Variants in COL23A1 observed in about 807,000 individuals in gnomAD.
The protein encoded by COL23A1 is collagen alpha-1(XXIII) chain.
Under a neutral mutation model 99.3 loss-of-function variants are expected in COL23A1, and 97 were observed. That is an observed-to-expected ratio of 0.98 (90% CI 0.83 to 1.16). The LOEUF (loss-of-function observed/expected upper bound fraction) is 1.16, where lower values mean the gene tolerates loss of function less well. COL23A1 is among the 50% of genes most tolerant of loss of function. The probability of loss-of-function intolerance (pLI) is 0.00; values close to 1 mark genes in which losing one functional copy is unlikely to be tolerated. For missense variants in COL23A1, 762 were observed against 757.4 expected (o/e 1.01, Z -0.07); for synonymous variants, 320 against 308.2 (o/e 1.04, Z -0.40).
At chr5:178,375,371 C>T (rs1387397859) in intron 2 of COL23A1, among the ~76,000 whole-genome samples, 1 of 152,198 alleles carries the variant, frequency 6.6e-6, no homozygotes, top group Non-Finnish European at 1.5e-5. Flanking sequence ...CAAACCCTAC[C>T]GACTGCCTCC....
chr5:178,349,020 C>G (rs1484026697), intron 2 of COL23A1, among the ~76,000 whole-genome samples: 1 of 152,110 alleles, frequency 6.6e-6, no homozygotes, highest in Admixed American at 6.5e-5. Flanking sequence ...CAACTTAACA[C>G]AGAAGGCGGC....
At position 178,464,464 on chromosome 5, in the gene COL23A1, T is replaced by C. The variant is rs111407747; in HGVS notation, c.361+96218A>G. On this transcript the variant is annotated intron_variant, in intron 2 of 28. Coordinates refer to ENST00000390654, the MANE Select transcript of COL23A1 (RefSeq NM_173465.4). The stretch of plus-strand genomic sequence containing the variant: ...TCTTTATCCATTCAGCCGCTGATGG[T>C]CACTTGAGTGGTTTCAATGTGCACG... 4.5e-3 allele frequency among the ~76,000 whole-genome samples: 680 copies of C among 152,304 alleles called. 5 individuals are homozygous for C. The highest frequency in any genetic ancestry group is 0.016 in the African/African-American group (646 of 41,562).
intron 2 of COL23A1, among the ~76,000 whole-genome samples, chr5:178,452,686 A>C (rs1480909072): frequency 6.6e-6 from 1 of 152,226 alleles, no homozygotes; most frequent in Non-Finnish European, 1.5e-5. Context: ...TTTACAGAAA[A>C]GGGAAAGAGG....
At chr5:178,407,831 G>A (rs1764843770) in intron 2 of COL23A1, among the ~76,000 whole-genome samples, 1 of 152,134 alleles carries the variant, frequency 6.6e-6, no homozygotes, top group Non-Finnish European at 1.5e-5. Context: ...GAGCCGCAGG[G>A]ACCTGTGGGA....
intron 2 of COL23A1, among the ~76,000 whole-genome samples, chr5:178,390,103 C>T (rs1763887782): frequency 6.6e-6 from 1 of 152,194 alleles, no homozygotes; most frequent in Admixed American, 6.5e-5. Flanking sequence ...CTCAAAGCTA[C>T]CAGAGGCCAC....
chr5:178,292,255 C>G (rs1395648023), intron 3 of COL23A1, among the ~76,000 whole-genome samples: 1 of 152,154 alleles, frequency 6.6e-6, no homozygotes, highest in Non-Finnish European at 1.5e-5. Context: ...GCCCTCCTCT[C>G]CATGCCTTCA....
intron 2 of COL23A1, among the ~76,000 whole-genome samples, chr5:178,389,885 G>T (rs185740873): frequency 3.3e-5 from 5 of 152,202 alleles, no homozygotes; most frequent in Non-Finnish European, 7.3e-5. Context: ...CTCCTGAGCC[G>T]TTCTGAAGTG....
intron 2 of COL23A1, among the ~76,000 whole-genome samples, chr5:178,548,037 ACC>A (rs1305746938): frequency 3.9e-4 from 2 of 5,160 alleles, no homozygotes; most frequent in Non-Finnish European, 3.4e-4. Flanking sequence ...AAACACACCC[ACC>A]CCCACACCCA....
intron 2 of COL23A1, among the ~76,000 whole-genome samples, chr5:178,517,089 C>T (rs1253183605): frequency 2.6e-5 from 4 of 152,154 alleles, no homozygotes; most frequent in Non-Finnish European, 5.9e-5. Flanking sequence ...CATCCATCCG[C>T]CACCTGCCCA....
At chr5:178,243,015 T>C (rs1400773342) in intron 25 of COL23A1, among the ~76,000 whole-genome samples, 1 of 151,444 alleles carries the variant, frequency 6.6e-6, no homozygotes, top group Non-Finnish European at 1.5e-5. Context: ...CTGGCCAACA[T>C]GGCGAAACCC....
rs769820963 is a variant in COL23A1, at chr5:178,254,934, C to CA, written c.960+14dup. ...TCGTATCTAAGGCACATCCTGGTCC[C>CA]ACCAGGAACACTACCTTGAGGGCAT... On this transcript the variant is annotated intron_variant, in intron 16 of 28. Coordinates refer to ENST00000390654, the MANE Select transcript of COL23A1 (RefSeq NM_173465.4). 1.9e-5 allele frequency: 30 copies of CA among 1,597,856 alleles called. No homozygotes were observed. Among genetic ancestry groups the CA allele is most frequent in the Non-Finnish European group, 2.5e-5 (29 of 1,167,742 alleles).
chr5:178,386,566 G>A (rs1011916204), intron 2 of COL23A1, among the ~76,000 whole-genome samples: 3 of 152,134 alleles, frequency 2.0e-5, no homozygotes, highest in African/African-American at 7.2e-5. Context: ...ATGAGGATAT[G>A]AGTCTGTGTG....
rs1428607077 is a variant in COL23A1 at position 178,384,072 on chromosome 5, G to A, written c.362-77153C>T. 1.3e-5 allele frequency among the ~76,000 whole-genome samples: 2 copies of A among 152,192 alleles called. No homozygotes were observed. Among genetic ancestry groups the A allele is most frequent in the South Asian group, 2.1e-4 (1 of 4,828 alleles). ...AGCCTGGGCTGCATCTCCTGCCACG[G>A]CCAGGCAGGTCCCACCTCTCTGCAA... On this transcript the variant is annotated intron_variant, in intron 2 of 28. Coordinates refer to ENST00000390654, the MANE Select transcript of COL23A1 (RefSeq NM_173465.4). The surrounding 1 kb of genome is among the most constrained non-coding windows in gnomAD (Gnocchi z 5.5).
intron 2 of COL23A1, among the ~76,000 whole-genome samples, chr5:178,375,861 C>T (rs1043096643): frequency 1.6e-4 from 24 of 152,200 alleles, no homozygotes; most frequent in African/African-American, 5.8e-4. Context: ...GCGCCTGCCA[C>T]CATGTCTGGC....
chr5:178,388,411 G>A (rs1763787416), intron 2 of COL23A1, among the ~76,000 whole-genome samples: 1 of 152,206 alleles, frequency 6.6e-6, no homozygotes, highest in Non-Finnish European at 1.5e-5. Flanking sequence ...ACCTGCAGCG[G>A]GGCAGCTCAG....
At position 178,259,767 on chromosome 5, in the gene COL23A1, G is replaced by C. The variant is rs761555477; in HGVS notation, c.703-20C>G. 1 of 1,598,958 alleles carries C rather than the reference G, an allele frequency of 6.3e-7. No homozygotes were observed. The highest frequency in any genetic ancestry group is 1.1e-5 in the South Asian group (1 of 88,676). Reference sequence around the variant, plus strand: ...CTCACCCTGGGGGAGGCAATGGGGGGTTCAAGAGCAAGGTCAAAACCATAG... The same window carrying C: ...CTCACCCTGGGGGAGGCAATGGGGGCTTCAAGAGCAAGGTCAAAACCATAG... On this transcript the variant is annotated intron_variant, in intron 11 of 28. Transcript: ENST00000390654.
intron 2 of COL23A1, among the ~76,000 whole-genome samples, chr5:178,375,538 T>C (rs1327030651): frequency 1.3e-5 from 2 of 152,200 alleles, no homozygotes; most frequent in Non-Finnish European, 1.5e-5. Context: ...CAAAAGGCCC[T>C]GCGTGGTCCC....
At position 178,238,489 on chromosome 5, in the gene COL23A1, C is replaced by T. The variant is rs1764224924; in HGVS notation, c.*209G>A. The stretch of plus-strand genomic sequence containing the variant: ...GGGAAAGCCCAGGCCCAAGGGTGCC[C>T]CTCAGGTACACATCTCCCTGGTCTG... On this transcript the variant is annotated 3_prime_UTR_variant, in exon 29 of 29. Coordinates refer to ENST00000390654, the MANE Select transcript of COL23A1 (RefSeq NM_173465.4). The T allele has an allele frequency of 4.8e-6, 3 of 626,506 alleles. No individual in the cohort carries two copies. Among genetic ancestry groups the T allele is most frequent in the Non-Finnish European group, 8.4e-6 (3 of 358,776 alleles). 38.8% of individuals were successfully genotyped at this position (626,506 alleles called of 1,614,324 possible).
chr5:178,479,563 G>A (rs138765953), intron 2 of COL23A1, among the ~76,000 whole-genome samples: 50 of 152,334 alleles, frequency 3.3e-4, no homozygotes, highest in African/African-American at 1.2e-3. Flanking sequence ...CCCGTTCCCA[G>A]GAAGTGGCCA....
Sources: allele counts gnomAD v4.1 joint callset (sites outside exome capture counted in the v4.1 genomes callset), GRCh38; gene constraint gnomAD v4.1.1; non-coding constraint Gnocchi (gnomAD v3.1); transcripts MANE v1.5; gene names NCBI Gene and HGNC (gene_info 2026-07-23, HGNC 2026-07-21).